RBFOX3: variants seen among roughly 807,000 people sequenced by gnomAD.
RBFOX3 encodes RNA binding protein fox-1 homolog 3.
Under a neutral mutation model 48.7 loss-of-function variants are expected in RBFOX3, and 17 were observed. The observed-to-expected ratio is 0.35, with a 90% CI of 0.24 to 0.52. The LOEUF (loss-of-function observed/expected upper bound fraction) is 0.52, where lower values mean the gene tolerates loss of function less well. Ranked by LOEUF, RBFOX3 falls within the 20% of genes least tolerant of loss-of-function variation. The pLI, the probability that RBFOX3 is intolerant of heterozygous loss-of-function variation, is 0.94. For synonymous variants in RBFOX3, 212 were observed against 209.5 expected (o/e 1.01, Z -0.10); for missense variants, 382 against 497.5 (o/e 0.77, Z 2.21).
At chr17:79,206,187 A>G (rs932007767) in intron 4 of RBFOX3, among the ~76,000 whole-genome samples, 1 of 152,186 alleles carries the variant, frequency 6.6e-6, no homozygotes, top group African/African-American at 2.4e-5. Flanking sequence ...AAGATCATGT[A>G]AAAGCAAATC....
At chr17:79,483,690 C>G (rs2079112783) in intron 1 of RBFOX3, among the ~76,000 whole-genome samples, 1 of 151,784 alleles carries the variant, frequency 6.6e-6, no homozygotes, top group Admixed American at 6.5e-5. Context: ...GGCAGGCATC[C>G]ACAACGGCTG....
At chr17:79,237,552 G>T (rs367799945) in intron 3 of RBFOX3, among the ~76,000 whole-genome samples, 2 of 152,224 alleles carry the variant, frequency 1.3e-5, no homozygotes. Context: ...TGTGGGAGGC[G>T]AGAATGAACG....
rs1555680334 is a variant in RBFOX3 at position 79,090,799 on chromosome 17, CTTTTTTTGT to C, written c.*75_*83del. ...TTTTTTGTTGCTTGGATCTTAACATCTTTTTTTGTTTTTTTTGTTTTGTGATTTTTTTTG... is the reference window on the plus strand; with the variant it reads ...TTTTTTGTTGCTTGGATCTTAACATCTTTTTTTGTTTTGTGATTTTTTTTG... On this transcript the variant is annotated 3_prime_UTR_variant, in exon 15 of 15. Coordinates refer to ENST00000693108, the MANE Select transcript of RBFOX3 (RefSeq NM_001350451.2). 1.1e-5 allele frequency: 15 copies of C among 1,424,592 alleles called. 1 individual carries two copies. The highest frequency in any genetic ancestry group is 7.5e-5 in the East Asian group (3 of 40,008). 88.2% of individuals were successfully genotyped at this position (1,424,592 alleles called of 1,614,324 possible).
Position 79,299,250 on chromosome 17 carries a change from G to A in RBFOX3, c.-74+8474C>T, listed in dbSNP as rs1284069225. On this transcript the variant is annotated intron_variant, in intron 3 of 14. Coordinates refer to ENST00000693108, the MANE Select transcript of RBFOX3 (RefSeq NM_001350451.2). The surrounding 1 kb of genome is among the most constrained non-coding windows in gnomAD (Gnocchi z 4.5). ...GGCCAGCACACCCAGACACAACCCC[G>A]GATGGCATCAGGCTCGGTTAGGGGC... 4.6e-5 allele frequency among the ~76,000 whole-genome samples: 7 copies of A among 151,944 alleles called. No homozygotes were observed. Among genetic ancestry groups the A allele is most frequent in the African/African-American group, 9.7e-5 (4 of 41,368 alleles).
intron 9 of RBFOX3, chr17:79,099,876 C>CTGA (rs962587060): frequency 2.6e-5 from 4 of 152,372 alleles, no homozygotes; most frequent in African/African-American, 9.6e-5. Flanking sequence ...CCACCCCCAA[C>CTGA]TGATGAATTC....
intron 4 of RBFOX3, among the ~76,000 whole-genome samples, chr17:79,117,165 C>G (rs569031391): frequency 1.3e-5 from 2 of 152,368 alleles, no homozygotes; most frequent in African/African-American, 2.4e-5. Flanking sequence ...AGGCGAGGCA[C>G]TCGCCCCCCC....
intron 2 of RBFOX3, among the ~76,000 whole-genome samples, chr17:79,435,020 A>G (rs188552605): frequency 6.6e-6 from 1 of 152,310 alleles, no homozygotes; most frequent in African/African-American, 2.4e-5. Context: ...CATCACGAAA[A>G]ATACAAGTTT....
chr17:79,617,463 G>A, the RBFOX3 span, among the ~76,000 whole-genome samples: 1 of 152,042 alleles, frequency 6.6e-6, no homozygotes, highest in African/African-American at 2.4e-5. Flanking sequence ...ACCAGGGAAG[G>A]CTGAATCACA....
intron 2 of RBFOX3, among the ~76,000 whole-genome samples, chr17:79,463,909 A>G (rs113011306): frequency 1.1e-5 from 1 of 90,088 alleles, no homozygotes; most frequent in Non-Finnish European, 2.1e-5. Context: ...CACTGCCACC[A>G]CCACCACCAT....
chr17:79,276,687 A>G (rs115826272), intron 3 of RBFOX3, among the ~76,000 whole-genome samples: 1,710 of 152,304 alleles, frequency 0.011, 36 homozygotes, highest in African/African-American at 0.039. Flanking sequence ...TCTGCCTTAA[A>G]AAAACAAAAC....
rs567796892 is a variant in RBFOX3, at chr17:79,278,263, A to G, written c.-74+29461T>C. Among the ~76,000 whole-genome samples the G allele has an allele frequency of 1.8e-3, 268 of 152,290 alleles. 2 individuals carry two copies. The highest frequency in any genetic ancestry group is 6.8e-3 in the Middle Eastern group (2 of 294). Reference sequence around the variant, plus strand: ...TGGCCCGTGGCTCCAGGCTGCCTGCAGTAACAGCATCATAGGATCACGAGA... The same window carrying G: ...TGGCCCGTGGCTCCAGGCTGCCTGCGGTAACAGCATCATAGGATCACGAGA... On this transcript the variant is annotated intron_variant, in intron 3 of 14. Transcript: ENST00000693108.
upstream of RBFOX3, among the ~76,000 whole-genome samples, chr17:79,614,285 G>A (rs1041782157): frequency 1.1e-3 from 169 of 152,364 alleles, 3 homozygotes; most frequent in East Asian, 0.028. Context: ...ACAGAGGGGC[G>A]TCCTGCACGG....
chr17:79,349,518 C>A (rs578096297), intron 2 of RBFOX3, among the ~76,000 whole-genome samples: 5 of 152,250 alleles, frequency 3.3e-5, no homozygotes, highest in African/African-American at 4.8e-5. Context: ...TCTCAGAGAA[C>A]CCCCAGACCT....
At chr17:79,419,953 C>A (rs2065974188) in intron 2 of RBFOX3, among the ~76,000 whole-genome samples, 1 of 152,164 alleles carries the variant, frequency 6.6e-6, no homozygotes, top group African/African-American at 2.4e-5. Flanking sequence ...ACGGTGAAAC[C>A]TCGTCTCTAC....
At chr17:79,507,916 C>A (rs2149806770) in intron 1 of RBFOX3, among the ~76,000 whole-genome samples, 1 of 152,286 alleles carries the variant, frequency 6.6e-6, no homozygotes, top group Admixed American at 6.5e-5. Flanking sequence ...AGTGAGGGGG[C>A]CACACACTCC....
At chr17:79,344,287 T>G (rs1019134130) in intron 2 of RBFOX3, among the ~76,000 whole-genome samples, 1 of 152,206 alleles carries the variant, frequency 6.6e-6, no homozygotes, top group Non-Finnish European at 1.5e-5. Context: ...AAATTTTAAC[T>G]GGCTAATTTG....
the RBFOX3 span, among the ~76,000 whole-genome samples, chr17:79,630,318 G>C: frequency 6.6e-6 from 1 of 152,204 alleles, no homozygotes; most frequent in Non-Finnish European, 1.5e-5. Context: ...GACTGGATAC[G>C]GCACTAATGA....
At chr17:79,163,202 G>C (rs1035638951) in intron 4 of RBFOX3, among the ~76,000 whole-genome samples, 4 of 152,218 alleles carry the variant, frequency 2.6e-5, no homozygotes, top group African/African-American at 9.6e-5. Flanking sequence ...TCTGGCCTTG[G>C]CCAGCTCCCT....
chr17:79,513,606 A>C (rs2149895829), intron 1 of RBFOX3, among the ~76,000 whole-genome samples: 1 of 152,276 alleles, frequency 6.6e-6, no homozygotes, highest in South Asian at 2.1e-4. Flanking sequence ...TTGGAACCAG[A>C]CTGCTTGAGT....
Sources: gnomAD v4.1 joint callset for allele counts (sites outside exome capture counted in the v4.1 genomes callset) on GRCh38, gnomAD v4.1.1 for gene constraint, Gnocchi (gnomAD v3.1) non-coding constraint, MANE v1.5 for transcripts, NCBI Gene and HGNC (gene_info 2026-07-23, HGNC 2026-07-21) for gene names.